MAP7: variants seen among roughly 807,000 people sequenced by gnomAD.
MAP7 encodes the protein microtubule associated protein 7.
MAP7 carries 52 observed loss-of-function variants against 94.8 expected under a neutral mutation model. That is an observed-to-expected ratio of 0.55 (90% CI 0.44 to 0.69). The LOEUF is 0.69. Ranked by LOEUF, MAP7 falls within the 30% of genes least tolerant of loss-of-function variation. The pLI, the probability that MAP7 is intolerant of heterozygous loss-of-function variation, is 0.00. For synonymous variants in MAP7, 350 were observed against 357.0 expected (o/e 0.98, Z 0.22); for missense variants, 940 against 964.6 (o/e 0.97, Z 0.34).
intron 1 of MAP7, among the ~76,000 whole-genome samples, chr6:136,540,958 A>C (rs10080546): frequency 0.069 from 10,561 of 152,240 alleles, 844 homozygotes; most frequent in African/African-American, 0.2. Flanking sequence ...TAATCATTTC[A>C]ACAACATAAC....
At chr6:136,346,113 T>C (rs200763901) in intron 16 of MAP7, 34 bp from the exon 17 acceptor site, 38 of 1,395,974 alleles carry the variant, frequency 2.7e-5, no homozygotes, top group Non-Finnish European at 2.4e-5. Context: ...TAGAAATAAG[T>C]TAGTCTTAAA....
At chr6:136,519,513 A>G (rs1476865347) in intron 1 of MAP7, among the ~76,000 whole-genome samples, 2 of 152,218 alleles carry the variant, frequency 1.3e-5, no homozygotes, top group Non-Finnish European at 2.9e-5. Context: ...AAACAAAAAG[A>G]TTCATGACTT....
At position 136,550,404 on chromosome 6, in the gene MAP7, G is replaced by C; in HGVS notation, c.5C>G (p.Ala2Gly). The change falls in exon 1 of 18, where the codon GCG (alanine) becomes GGG (glycine). Residue 2 changes from alanine (A) to glycine (G), a missense_variant. Coordinates refer to ENST00000354570, the MANE Select transcript of MAP7 (RefSeq NM_003980.6). This position sits in a 1 kb window ranked among gnomAD's most constrained non-coding sequence, Gnocchi z 5.1. MAELGAGGDGHR... is the reference protein window; with the variant it reads MGELGAGGDGHR... Reference sequence around the variant, plus strand: ...GCCGTCGCCGCCAGCTCCTAGCTCCGCCATGGTGCTCCGATGACGCGCCCG... The same window carrying C: ...GCCGTCGCCGCCAGCTCCTAGCTCCCCCATGGTGCTCCGATGACGCGCCCG... 1 of 1,524,234 alleles carries C rather than the reference G, an allele frequency of 6.6e-7. No individual in the cohort carries two copies. Among genetic ancestry groups the C allele is most frequent in the Non-Finnish European group, 8.7e-7 (1 of 1,143,650 alleles). 94.4% of individuals were successfully genotyped at this position (1,524,234 alleles called of 1,614,324 possible). A position where few individuals can be genotyped will look rare whatever the true frequency, so the allele number is the denominator to read the frequency against.
chr6:136,387,872 T>C (rs1779599708), intron 5 of MAP7, among the ~76,000 whole-genome samples: 1 of 152,200 alleles, frequency 6.6e-6, no homozygotes, highest in African/African-American at 2.4e-5. Context: ...AATTTCAATA[T>C]GATTTTATGT....
chr6:136,507,797 G>A (rs1000989071), intron 1 of MAP7, among the ~76,000 whole-genome samples: 6 of 152,188 alleles, frequency 3.9e-5, no homozygotes, highest in African/African-American at 1.2e-4. Context: ...AAGCAAGTGA[G>A]GCACAGAAAT....
intron 2 of MAP7, among the ~76,000 whole-genome samples, chr6:136,417,759 C>T (rs1437836942): frequency 1.3e-5 from 2 of 152,190 alleles, no homozygotes; most frequent in African/African-American, 2.4e-5. Context: ...ATGGCAGCTA[C>T]AGTCATTACA....
At chr6:136,348,810 A>T (rs758961174) in intron 16 of MAP7, among the ~76,000 whole-genome samples, 1 of 152,232 alleles carries the variant, frequency 6.6e-6, no homozygotes, top group Non-Finnish European at 1.5e-5. Flanking sequence ...ATTTGGAGGG[A>T]AAATGAATGG....
chr6:136,368,834 G>A (rs1794944689), intron 8 of MAP7, among the ~76,000 whole-genome samples: 1 of 152,036 alleles, frequency 6.6e-6, no homozygotes, highest in African/African-American at 2.4e-5. Flanking sequence ...CTACCAAAAG[G>A]GATCCACAGA....
chr6:136,526,938 A>G (rs1432264681), intron 1 of MAP7, among the ~76,000 whole-genome samples: 1 of 152,138 alleles, frequency 6.6e-6, no homozygotes. Flanking sequence ...CCTCTGGTGA[A>G]GACAGGCAAG....
intron 2 of MAP7, among the ~76,000 whole-genome samples, chr6:136,416,308 T>G (rs1046880483): frequency 6.6e-6 from 1 of 152,206 alleles, no homozygotes; most frequent in Admixed American, 6.5e-5. Context: ...CAGAGTAAAC[T>G]ATTTAAATGC....
chr6:136,500,039 T>C (rs182540270), intron 1 of MAP7, among the ~76,000 whole-genome samples: 1 of 151,158 alleles, frequency 6.6e-6, no homozygotes, highest in Admixed American at 6.6e-5. Context: ...GACTTTTGAG[T>C]CAGACAGACC....
intron 2 of MAP7, among the ~76,000 whole-genome samples, chr6:136,414,129 T>G (rs1788454621): frequency 6.6e-6 from 1 of 150,486 alleles, no homozygotes; most frequent in South Asian, 2.1e-4. Context: ...AGCGGGCGCC[T>G]GTAGTCCCAG....
intron 10 of MAP7, 37 bp downstream of exon 10, chr6:136,365,694 AAAAG>A (rs1794103632): frequency 1.1e-5 from 17 of 1,590,906 alleles, no homozygotes; most frequent in Non-Finnish European, 1.4e-5. Flanking sequence ...GTGCGGGAGA[AAAAG>A]AGAGAGCACC....
chr6:136,430,183 G>A (rs1794498654), intron 1 of MAP7, among the ~76,000 whole-genome samples: 2 of 152,090 alleles, frequency 1.3e-5, no homozygotes, highest in Admixed American at 1.3e-4. Flanking sequence ...AAATAATGTG[G>A]AAAAGAAAAA....
intron 1 of MAP7, among the ~76,000 whole-genome samples, chr6:136,518,473 A>G (rs961861391): frequency 6.6e-6 from 1 of 152,172 alleles, no homozygotes; most frequent in African/African-American, 2.4e-5. Context: ...TCTGTGACAC[A>G]CTTTGGGCCT....
At chr6:136,477,865 C>T (rs1467654887) in intron 1 of MAP7, among the ~76,000 whole-genome samples, 3 of 152,158 alleles carry the variant, frequency 2.0e-5, no homozygotes, top group Non-Finnish European at 4.4e-5. Context: ...CATTCTTCTC[C>T]TCAGCACATG....
intron 1 of MAP7, among the ~76,000 whole-genome samples, chr6:136,470,463 A>G (rs1235218390): frequency 6.6e-6 from 1 of 151,962 alleles, no homozygotes; most frequent in Non-Finnish European, 1.5e-5. Flanking sequence ...CATAGTTATC[A>G]TTTTGTGTGT....
intron 1 of MAP7, among the ~76,000 whole-genome samples, chr6:136,457,514 A>G (rs1048383866): frequency 6.6e-6 from 1 of 152,182 alleles, no homozygotes; most frequent in Non-Finnish European, 1.5e-5. Flanking sequence ...ACTACAAGAC[A>G]AGCAAACTAT....
intron 16 of MAP7, among the ~76,000 whole-genome samples, chr6:136,351,726 A>G (rs976568754): frequency 1.3e-5 from 2 of 152,228 alleles, no homozygotes; most frequent in Admixed American, 1.3e-4. Context: ...TTATTGATTT[A>G]CTGCCTCTCA....
Sources: gnomAD v4.1 joint callset for allele counts (sites outside exome capture counted in the v4.1 genomes callset) on GRCh38, gnomAD v4.1.1 for gene constraint, Gnocchi (gnomAD v3.1) non-coding constraint, MANE v1.5 for transcripts, NCBI Gene and HGNC (gene_info 2026-07-23, HGNC 2026-07-21) for gene names.